ABCC4: variants seen among roughly 807,000 people sequenced by gnomAD.
ABCC4 encodes the protein ATP-binding cassette sub-family C member 4.
ABCC4 carries 102 observed loss-of-function variants against 168.5 expected under a neutral mutation model. The observed-to-expected ratio is 0.61, with a 90% CI of 0.52 to 0.71. ABCC4 has a LOEUF of 0.71. Ranked by LOEUF, ABCC4 falls within the 30% of genes least tolerant of loss-of-function variation. ABCC4 has a pLI of 0.00. For synonymous variants in ABCC4, 617 were observed against 590.7 expected (o/e 1.04, Z -0.65); for missense variants, 1,402 against 1,605.8 (o/e 0.87, Z 2.17).
chr13:95,258,515 C>T (rs912378193), intron 1 of ABCC4, among the ~76,000 whole-genome samples: 1 of 152,220 alleles, frequency 6.6e-6, no homozygotes, highest in Non-Finnish European at 1.5e-5. Context: ...CTCATTCTCA[C>T]TTTCTTTACC....
chr13:95,164,087 G>C (rs1014016630), intron 16 of ABCC4, among the ~76,000 whole-genome samples: 1 of 146,706 alleles, frequency 6.8e-6, no homozygotes, highest in Non-Finnish European at 1.5e-5. Flanking sequence ...AGAATAAAAG[G>C]CTCAGAGAAC....
intron 1 of ABCC4, among the ~76,000 whole-genome samples, chr13:95,276,042 T>C (rs1019015235): frequency 2.0e-5 from 3 of 152,090 alleles, no homozygotes; most frequent in African/African-American, 7.2e-5. Flanking sequence ...CTGCCATACA[T>C]GGTCTGTTAA....
intron 26 of ABCC4, among the ~76,000 whole-genome samples, chr13:95,060,524 C>G (rs2033246980): frequency 6.6e-6 from 1 of 152,104 alleles, no homozygotes; most frequent in Non-Finnish European, 1.5e-5. Flanking sequence ...ACAGACATGC[C>G]CATTATCTCT....
chr13:95,148,954 TGA>T (rs898857672), intron 19 of ABCC4: 12 of 152,158 alleles, frequency 7.9e-5, no homozygotes, highest in African/African-American at 2.9e-4. Context: ...TGAAAGGAGA[TGA>T]GAGTGGTTAG....
intron 19 of ABCC4, among the ~76,000 whole-genome samples, chr13:95,160,808 G>C (rs1235175293): frequency 5.9e-5 from 9 of 152,118 alleles, no homozygotes; most frequent in Non-Finnish European, 1.3e-4. Context: ...CTGAAAAATG[G>C]CATAACCTAA....
At chr13:95,268,477 C>T (rs1265900362) in intron 1 of ABCC4, among the ~76,000 whole-genome samples, 1 of 151,920 alleles carries the variant, frequency 6.6e-6, no homozygotes, top group East Asian at 1.9e-4. Flanking sequence ...AAGAGGAAGG[C>T]CTCTTTGCAG....
At chr13:95,237,959 C>T (rs1457823856) in intron 3 of ABCC4, among the ~76,000 whole-genome samples, 1 of 151,994 alleles carries the variant, frequency 6.6e-6, no homozygotes, top group South Asian at 2.1e-4. Context: ...CTTTGGGAGG[C>T]CGAGGTGGGC....
intron 26 of ABCC4, among the ~76,000 whole-genome samples, chr13:95,060,454 A>T (rs1433972373): frequency 6.6e-6 from 1 of 152,228 alleles, no homozygotes; most frequent in African/African-American, 2.4e-5. Flanking sequence ...TTAAGAATTC[A>T]TTCAAAGTAA....
intron 28 of ABCC4, 94 bp downstream of exon 28, chr13:95,044,172 A>G: frequency 8.1e-7 from 1 of 1,239,178 alleles, no homozygotes. Context: ...TGGGGCAAAC[A>G]GAGCACTTAG....
intron 1 of ABCC4, among the ~76,000 whole-genome samples, chr13:95,274,759 C>T (rs2040931734): frequency 6.6e-6 from 1 of 152,200 alleles, no homozygotes; most frequent in South Asian, 2.1e-4. Context: ...CCTGTGGCCA[C>T]ATCTCACTGA....
At chr13:95,239,178 A>T (rs5805912) in intron 3 of ABCC4, among the ~76,000 whole-genome samples, 46,826 of 147,694 alleles carry the variant, frequency 0.32, 7,706 homozygotes, top group Non-Finnish European at 0.36. Context: ...AAAAAAAAAA[A>T]TTTAAATTAT....
chr13:95,205,444 CA>C (rs1250642912), intron 8 of ABCC4, among the ~76,000 whole-genome samples: 2 of 152,196 alleles, frequency 1.3e-5, no homozygotes, highest in East Asian at 3.8e-4. Flanking sequence ...AGGAATAAAA[CA>C]AAGCAGATTT....
intron 15 of ABCC4, among the ~76,000 whole-genome samples, chr13:95,164,835 C>T (rs1271003105): frequency 1.3e-5 from 2 of 152,146 alleles, no homozygotes; most frequent in African/African-American, 4.8e-5. Flanking sequence ...GCAGGGATTA[C>T]AGATGCCTGC....
chr13:95,213,126 T>TA (rs11370564), intron 4 of ABCC4, among the ~76,000 whole-genome samples: 110,171 of 147,804 alleles, frequency 0.75, 41,449 homozygotes, highest in Non-Finnish European at 0.83. Context: ...GATTCCATCT[T>TA]AAAAAAAAAA....
At chr13:95,112,334 C>G (rs1293984205) in intron 20 of ABCC4, among the ~76,000 whole-genome samples, 1 of 142,048 alleles carries the variant, frequency 7.0e-6, no homozygotes, top group Non-Finnish European at 1.5e-5. Context: ...GCCTGGGTAA[C>G]AGAGTGAGAC....
intron 25 of ABCC4, among the ~76,000 whole-genome samples, chr13:95,070,204 A>C (rs2033678983): frequency 6.6e-6 from 1 of 152,152 alleles, no homozygotes; most frequent in Non-Finnish European, 1.5e-5. Flanking sequence ...GGAATGTGAC[A>C]TTGCACTCCA....
intron 3 of ABCC4, among the ~76,000 whole-genome samples, chr13:95,241,777 A>G (rs1566560729): frequency 6.6e-6 from 1 of 152,112 alleles, no homozygotes; most frequent in Non-Finnish European, 1.5e-5. Flanking sequence ...TTCCAACCTC[A>G]AAGACTCCCC....
At chr13:95,218,921 A>AAGAGAGAGAGAG (rs1289387063) in intron 4 of ABCC4, among the ~76,000 whole-genome samples, 1,574 of 24,730 alleles carry the variant, frequency 0.064, 89 homozygotes, top group African/African-American at 0.21. Flanking sequence ...GAGAGAGAGA[A>AAGAGAGAGAGAG]AGAAAGAGAA....
chr13:95,032,656 T>C (rs2031930582), intron 30 of ABCC4, among the ~76,000 whole-genome samples: 1 of 122,992 alleles, frequency 8.1e-6, no homozygotes. Context: ...GAACATATTT[T>C]CTTTTTCTTT....
Sources: allele counts gnomAD v4.1 joint callset (sites outside exome capture counted in the v4.1 genomes callset), GRCh38; gene constraint gnomAD v4.1.1; transcripts MANE v1.5; gene names NCBI Gene and HGNC (gene_info 2026-07-23, HGNC 2026-07-21).